MACROD2: variants seen among roughly 807,000 people sequenced by gnomAD.
The protein encoded by MACROD2 is mono-ADP ribosylhydrolase 2, also known as ADP-ribose glycohydrolase MACROD2.
In MACROD2, 36 loss-of-function variants were observed where a neutral mutation model predicts 70.4. The ratio of observed to expected loss-of-function variants is 0.51; its 90% CI spans 0.39 to 0.68. MACROD2 has a LOEUF of 0.68. MACROD2 is among the 30% of genes least tolerant of loss of function. The probability of loss-of-function intolerance (pLI) is 0.00; values close to 1 mark genes in which losing one functional copy is unlikely to be tolerated. For missense variants in MACROD2, 496 were observed against 538.4 expected (o/e 0.92, Z 0.78); for synonymous variants, 172 against 178.8 (o/e 0.96, Z 0.30).
intron 8 of MACROD2, among the ~76,000 whole-genome samples, chr20:15,632,153 G>A (rs1182912633): frequency 2.0e-5 from 3 of 148,518 alleles, no homozygotes; most frequent in East Asian, 2.0e-4. Context: ...GAGTTTGAGC[G>A]AAACTCTTAC....
chr20:14,497,928 G>A (rs545971362), intron 4 of MACROD2, among the ~76,000 whole-genome samples: 25 of 151,774 alleles, frequency 1.6e-4, no homozygotes, highest in African/African-American at 2.4e-4. Context: ...TTTGTCCAAC[G>A]CGAGAACAGA....
At chr20:14,357,326 A>T (rs745918442) in intron 3 of MACROD2, among the ~76,000 whole-genome samples, 3 of 152,210 alleles carry the variant, frequency 2.0e-5, no homozygotes, top group African/African-American at 7.2e-5. Context: ...CTAAATGCAG[A>T]TTATGAGTGA....
At chr20:14,082,636 C>G (rs1327632615) in intron 2 of MACROD2, among the ~76,000 whole-genome samples, 3 of 152,080 alleles carry the variant, frequency 2.0e-5, no homozygotes, top group Admixed American at 1.3e-4. Context: ...CTTCTTAGAG[C>G]TAAAAGCAGT....
intron 4 of MACROD2, among the ~76,000 whole-genome samples, chr20:14,634,373 C>A (rs1164236742): frequency 1.3e-5 from 2 of 152,212 alleles, no homozygotes; most frequent in Non-Finnish European, 2.9e-5. Context: ...AAGCATTTCT[C>A]AAATGAATTT....
intron 6 of MACROD2, among the ~76,000 whole-genome samples, chr20:15,376,413 T>C (rs937402913): frequency 6.6e-6 from 1 of 152,142 alleles, no homozygotes; most frequent in African/African-American, 2.4e-5. Context: ...CTGCATTGAC[T>C]AACTGGGTCA....
intron 3 of MACROD2, among the ~76,000 whole-genome samples, chr20:14,414,105 A>G (rs776913599): frequency 3.3e-5 from 5 of 152,074 alleles, no homozygotes; most frequent in Admixed American, 6.6e-5. Context: ...CAACTCTCTA[A>G]TTTATATCTA....
At chr20:14,945,698 G>A (rs1350835088) in intron 5 of MACROD2, among the ~76,000 whole-genome samples, 1 of 152,102 alleles carries the variant, frequency 6.6e-6, no homozygotes, top group Non-Finnish European at 1.5e-5. Context: ...AATGAACTGC[G>A]GGAGACAAAA....
At chr20:15,383,206 A>C (rs557361810) in intron 6 of MACROD2, among the ~76,000 whole-genome samples, 3 of 152,340 alleles carry the variant, frequency 2.0e-5, no homozygotes, top group African/African-American at 7.2e-5. Flanking sequence ...GTGTTCAGAA[A>C]TATTTAGCCC....
chr20:14,015,465 T>A (rs2052975548), intron 2 of MACROD2, among the ~76,000 whole-genome samples: 3 of 152,220 alleles, frequency 2.0e-5, no homozygotes. Context: ...TTGTCCCACC[T>A]ATTCAGGAGG....
At chr20:14,210,105 G>A (rs2081558522) in intron 3 of MACROD2, among the ~76,000 whole-genome samples, 1 of 152,172 alleles carries the variant, frequency 6.6e-6, no homozygotes, top group Non-Finnish European at 1.5e-5. Flanking sequence ...ATATACATAT[G>A]TCTTTTGCCA....
chr20:14,492,420 T>C (rs2084805318), intron 3 of MACROD2, among the ~76,000 whole-genome samples: 1 of 152,158 alleles, frequency 6.6e-6, no homozygotes. Context: ...TTCTCTTTAA[T>C]GTAACAACAA....
At chr20:15,863,350 C>T (rs79922026) in intron 9 of MACROD2, among the ~76,000 whole-genome samples, 1 of 152,152 alleles carries the variant, frequency 6.6e-6, no homozygotes, top group Admixed American at 6.6e-5. Context: ...GGCAGTCATT[C>T]ACACTTCTTT....
At chr20:15,183,805 A>T (rs557777285) in intron 5 of MACROD2, among the ~76,000 whole-genome samples, 1 of 152,230 alleles carries the variant, frequency 6.6e-6, no homozygotes, top group South Asian at 2.1e-4. Context: ...AAACATTTTC[A>T]CAAGTGTGCA....
Position 15,507,389 on chromosome 20 carries a change from C to CACCT in MACROD2, c.645+7542_645+7543insACCT, listed in dbSNP as rs1555831311. Among the ~76,000 whole-genome samples, 14 of 146,906 alleles carry CACCT rather than the reference C, an allele frequency of 9.5e-5. No homozygotes were observed. The South Asian group carries it at 2.2e-3, about 24-fold the overall frequency. Reference sequence around the variant, plus strand: ...TCTTTCTTTCTCCTTCCTTCCCTCCCTCCTTCCTTCCTTCTTTCTTTCTCT... The same window carrying CACCT: ...TCTTTCTTTCTCCTTCCTTCCCTCCCACCTTCCTTCCTTCCTTCTTTCTTTCTCT... On this transcript the variant is annotated intron_variant, in intron 8 of 17. Transcript: ENST00000684519.
intron 2 of MACROD2, among the ~76,000 whole-genome samples, chr20:14,071,719 T>C (rs1220924879): frequency 6.6e-6 from 1 of 152,182 alleles, no homozygotes; most frequent in Admixed American, 6.6e-5. Context: ...CTATCTCTAA[T>C]GTGGCTTATT....
At chr20:14,659,795 A>G (rs1411297636) in intron 4 of MACROD2, among the ~76,000 whole-genome samples, 2 of 152,174 alleles carry the variant, frequency 1.3e-5, no homozygotes, top group Admixed American at 6.5e-5. Context: ...ACAAAATTAT[A>G]TATAAAATAT....
intron 3 of MACROD2, among the ~76,000 whole-genome samples, chr20:14,443,587 G>T (rs774348205): frequency 1.1e-4 from 17 of 152,188 alleles, no homozygotes; most frequent in Admixed American, 3.3e-4. Context: ...ATGAGCCACT[G>T]CGCCCAGCCT....
At chr20:14,057,064 A>G (rs1317287639) in intron 2 of MACROD2, among the ~76,000 whole-genome samples, 1 of 152,122 alleles carries the variant, frequency 6.6e-6, no homozygotes, top group African/African-American at 2.4e-5. Flanking sequence ...CAAATGGGAA[A>G]AACAATGAAA....
At chr20:15,681,967 A>G (rs1384515747) in intron 8 of MACROD2, among the ~76,000 whole-genome samples, 2 of 152,168 alleles carry the variant, frequency 1.3e-5, no homozygotes, top group African/African-American at 4.8e-5. Flanking sequence ...CATTCTTCTG[A>G]ATAGCCCTTC....
Sources: allele counts gnomAD v4.1 joint callset (sites outside exome capture counted in the v4.1 genomes callset), GRCh38; gene constraint gnomAD v4.1.1; transcripts MANE v1.5; gene names NCBI Gene and HGNC (gene_info 2026-07-23, HGNC 2026-07-21).